PIK3CD: variants seen among roughly 807,000 people sequenced by gnomAD.
PIK3CD encodes the protein phosphatidylinositol-4,5-bisphosphate 3-kinase catalytic subunit delta, also known as phosphatidylinositol 4,5-bisphosphate 3-kinase catalytic subunit delta isoform.
PIK3CD carries 20 observed loss-of-function variants against 122.9 expected under a neutral mutation model. The observed-to-expected ratio is 0.16, with a 90% CI of 0.11 to 0.24. The LOEUF (loss-of-function observed/expected upper bound fraction) is 0.24, where lower values mean the gene tolerates loss of function less well. PIK3CD is among the 10% of genes least tolerant of loss of function. The pLI, the probability that PIK3CD is intolerant of heterozygous loss-of-function variation, is 1.00. For synonymous variants in PIK3CD, 596 were observed against 593.4 expected, an observed-to-expected ratio of 1.00 and a Z score of -0.06; for missense variants, 787 against 1,406.3, an observed-to-expected ratio of 0.56 and a Z score of 7.04.
the PIK3CD span, among the ~76,000 whole-genome samples, chr1:9,638,560 G>A: frequency 4.6e-5 from 7 of 151,584 alleles, no homozygotes; most frequent in African/African-American, 1.2e-4. Context: ...GTGAAACCCC[G>A]TCTCTACTAA....
rs1647345686 is a variant in PIK3CD at position 9,715,926 on chromosome 1, G to A, written c.448G>A (p.Ala150Thr). ...CAAGATGTGCCAATTCTGCGAGGAG[G>A]CGGCCGCCCGCCGGCAGCAGCTGGG... ...RAKMCQFCEE[A>T]AARRQQLGWE... Residue 150 changes from alanine (A) to threonine (T), a missense_variant, in exon 5 of 24, where the codon GCG (alanine) becomes ACG (threonine). Ala to Thr is a moderately conservative substitution (Grantham distance 58). Around this residue, in one of 6 missense-constraint regions of PIK3CD, gnomAD observed 592 missense variants for 920.6 expected, o/e 0.64. Transcript: ENST00000377346. The surrounding 1 kb of genome is among the most constrained non-coding windows in gnomAD (Gnocchi z 4.1). 6.2e-7 allele frequency: 1 copy of A among 1,611,828 alleles called. No homozygotes were observed. Among genetic ancestry groups the A allele is most frequent in the Admixed American group, 1.7e-5 (1 of 59,920 alleles).
rs1423819157 is a variant in PIK3CD at position 9,652,636 on chromosome 1, C to T, written c.-138+834C>T. 6.6e-6 allele frequency: 1 copy of T among 152,252 alleles called. No individual in the cohort carries two copies. Among genetic ancestry groups the T allele is most frequent in the Non-Finnish European group, 1.5e-5 (1 of 68,050 alleles). 9.4% of individuals were successfully genotyped at this position (152,252 alleles called of 1,614,324 possible). A position where few individuals can be genotyped will look rare whatever the true frequency, so the allele number is the denominator to read the frequency against. Reference sequence around the variant, plus strand: ...GAGGCTTTTTAAAAAAATCGAGTTTCCTGTTTTTATTTAGGCTTCCTCATT... The same window carrying T: ...GAGGCTTTTTAAAAAAATCGAGTTTTCTGTTTTTATTTAGGCTTCCTCATT... On this transcript the variant is annotated intron_variant, in intron 1 of 23. Coordinates refer to ENST00000377346, the MANE Select transcript of PIK3CD (RefSeq NM_005026.5). This position sits in a 1 kb window ranked among gnomAD's most constrained non-coding sequence, Gnocchi z 6.2.
chr1:9,666,884 G>A (rs1645176806), intron 1 of PIK3CD, among the ~76,000 whole-genome samples: 1 of 145,986 alleles, frequency 6.8e-6, no homozygotes, highest in Non-Finnish European at 1.5e-5. Flanking sequence ...TTTTTTTTCA[G>A]AGATGGAGTC....
chr1:9,629,434 G>A, the PIK3CD span, among the ~76,000 whole-genome samples: 2 of 151,840 alleles, frequency 1.3e-5, no homozygotes, highest in African/African-American at 4.8e-5. Flanking sequence ...GTGCTGAGAA[G>A]CCAGAAACAG....
intron 1 of PIK3CD, among the ~76,000 whole-genome samples, chr1:9,686,491 C>T (rs1014423066): frequency 4.6e-5 from 7 of 151,364 alleles, no homozygotes; most frequent in Admixed American, 1.3e-4. Context: ...CGTGAGCCAC[C>T]GTGCCCGCCT....
At chr1:9,716,842 TC>T in intron 6 of PIK3CD, 116 bp from the exon 7 acceptor site, 1 of 1,437,016 alleles carries the variant, frequency 7.0e-7, no homozygotes, top group Non-Finnish European at 9.7e-7. Context: ...CAGGAAGCCC[TC>T]CCCTCTCCCA....
rs1042911047 is a variant in PIK3CD, at chr1:9,722,487, C to T, written c.2348-41C>T. The T allele has an allele frequency of 2.5e-6, 4 of 1,575,764 alleles. No individual in the cohort carries two copies. The highest frequency in any genetic ancestry group is 3.5e-6 in the Non-Finnish European group (4 of 1,145,780). ...GGTGTAGCTGGAAGCAGAGAACCTA[C>T]CAGAAACTCACGCTTCTCCTCCCAC... On this transcript the variant is annotated intron_variant, in intron 18 of 23. Coordinates refer to ENST00000377346, the MANE Select transcript of PIK3CD (RefSeq NM_005026.5). The surrounding 1 kb of genome is among the most constrained non-coding windows in gnomAD (Gnocchi z 7.6).
At chr1:9,654,152 C>T in intron 1 of PIK3CD, 1 of 1,299,518 alleles carries the variant, frequency 7.7e-7, no homozygotes, top group Non-Finnish European at 1.0e-6. Context: ...TTCCCCCGCC[C>T]TTCAGCCCCT....
chr1:9,695,726 C>T (rs1297806551), intron 2 of PIK3CD, among the ~76,000 whole-genome samples: 1 of 151,690 alleles, frequency 6.6e-6, no homozygotes, highest in African/African-American at 2.4e-5. Flanking sequence ...CCTGTAATCC[C>T]AGCTACTTGG....
In PIK3CD at chr1:9,723,356, C is replaced by T. The variant is rs1423795968; in HGVS notation, c.2594+64C>T. 1.8e-5 allele frequency: 28 copies of T among 1,547,782 alleles called. 1 individual carries two copies. In the East Asian group the frequency reaches 2.0e-4, roughly 11 times the overall value. ...CAAGAGGTGTGGAGTGGGAGGGCCTCGCCTGTCAGAACAAAGGAGCGGGGA... is the reference window on the plus strand; with the variant it reads ...CAAGAGGTGTGGAGTGGGAGGGCCTTGCCTGTCAGAACAAAGGAGCGGGGA... On this transcript the variant is annotated intron_variant, in intron 20 of 23. Coordinates refer to ENST00000377346, the MANE Select transcript of PIK3CD (RefSeq NM_005026.5). The surrounding 1 kb of genome is among the most constrained non-coding windows in gnomAD (Gnocchi z 4.9).
Position 9,717,544 on chromosome 1 carries a change from C to G in PIK3CD, c.938C>G (p.Ser313Cys), listed in dbSNP as rs746649091. The change falls in exon 8 of 24, where the codon TCT becomes TGT. Residue 313 changes from serine (S) to cysteine (C), a missense_variant. Physicochemically the swap from Ser to Cys is moderately radical, Grantham distance 112. Coordinates refer to ENST00000377346, the MANE Select transcript of PIK3CD (RefSeq NM_005026.5). This position sits in a 1 kb window ranked among gnomAD's most constrained non-coding sequence, Gnocchi z 5.4. ...TGCTTCCCCGGCCCCCAGCCTTCCT[C>G]TGTGTCCCTGTGGTCCCTGGAGCAG... ...PPPIPAKKPS[S>C]VSLWSLEQPF... The G allele has an allele frequency of 6.2e-7, 1 of 1,614,106 alleles. No individual in the cohort carries two copies. Among genetic ancestry groups the G allele is most frequent in the East Asian group, 2.2e-5 (1 of 44,890 alleles).
chr1:9,629,485 C>G, the PIK3CD span, among the ~76,000 whole-genome samples: 1 of 148,798 alleles, frequency 6.7e-6, no homozygotes, highest in Admixed American at 6.7e-5. Flanking sequence ...CCACCACGCT[C>G]AGAGGCCTAG....
intron 1 of PIK3CD, among the ~76,000 whole-genome samples, chr1:9,664,057 T>TC: frequency 6.9e-6 from 1 of 145,912 alleles, no homozygotes; most frequent in East Asian, 2.0e-4. Context: ...TTCTTTTTTT[T>TC]TTTTTTTTTT....
At chr1:9,655,206 AG>A (rs1365555920) in intron 1 of PIK3CD, among the ~76,000 whole-genome samples, 1 of 152,142 alleles carries the variant, frequency 6.6e-6, no homozygotes, top group Non-Finnish European at 1.5e-5. Flanking sequence ...GAGACAAGGA[AG>A]GGCCCTATCC....
chr1:9,701,613 G>C (rs1646633204), intron 2 of PIK3CD, among the ~76,000 whole-genome samples: 1 of 149,272 alleles, frequency 6.7e-6, no homozygotes. Context: ...GGATTGCAGT[G>C]AGCGGAGATT....
In PIK3CD at chr1:9,676,818, G is replaced by A. The variant is rs1645556616; in HGVS notation, c.-137-14649G>A. Among the ~76,000 whole-genome samples the A allele has an allele frequency of 3.9e-5, 6 of 152,322 alleles. No individual in the cohort carries two copies. The East Asian group carries it at 1.2e-3, about 29-fold the overall frequency. Reference sequence around the variant, plus strand: ...ATCAGGTGCCTAGTCATGGGGGCTGGCCGCTGTAGCCTTGAAGATGAGCCT... The same window carrying A: ...ATCAGGTGCCTAGTCATGGGGGCTGACCGCTGTAGCCTTGAAGATGAGCCT... On this transcript the variant is annotated intron_variant, in intron 1 of 23. Transcript: ENST00000377346.
rs573382597 is a variant in PIK3CD at position 9,666,227 on chromosome 1, C to CTTTTTTTTTTTT, written c.-138+14445_-138+14456dup. 1.6e-4 allele frequency among the ~76,000 whole-genome samples: 7 copies of CTTTTTTTTTTTT among 44,200 alleles called. 1 individual carries two copies. Among genetic ancestry groups the CTTTTTTTTTTTT allele is most frequent in the East Asian group, 2.3e-3 (2 of 870 alleles). 29.0% of individuals were successfully genotyped at this position (44,200 alleles called of 152,430 possible). On this transcript the variant is annotated intron_variant, in intron 1 of 23. Coordinates refer to ENST00000377346, the MANE Select transcript of PIK3CD (RefSeq NM_005026.5). ...ACAGGCATGAGCCACCGCGCCCGGT[C>CTTTTTTTTTTTT]TTTTTTTTTTTTTTTTTTTTTTTTT...
chr1:9,637,449 G>A, the PIK3CD span, among the ~76,000 whole-genome samples: 53 of 152,260 alleles, frequency 3.5e-4, no homozygotes, highest in African/African-American at 1.2e-3. Flanking sequence ...CCGGGAGATC[G>A]AGGCTGCACT....
chr1:9,679,745 T>C (rs1043008433), intron 1 of PIK3CD, among the ~76,000 whole-genome samples: 16 of 152,218 alleles, frequency 1.1e-4, no homozygotes, highest in African/African-American at 3.6e-4. Context: ...TAAGAAGCTT[T>C]ATTGAGCTAG....
Sources: allele counts gnomAD v4.1 joint callset (sites outside exome capture counted in the v4.1 genomes callset), GRCh38; gene constraint gnomAD v4.1.1; regional missense constraint gnomAD v4.1.1; non-coding constraint Gnocchi (gnomAD v3.1); transcripts MANE v1.5; gene names NCBI Gene and HGNC (gene_info 2026-07-23, HGNC 2026-07-21).